Variants in RALGDS observed in about 807,000 individuals in gnomAD.
RALGDS encodes ral guanine nucleotide dissociation stimulator.
RALGDS carries 44 observed loss-of-function variants against 99.8 expected under a neutral mutation model. The ratio of observed to expected loss-of-function variants is 0.44; its 90% CI spans 0.35 to 0.57. The LOEUF (loss-of-function observed/expected upper bound fraction) is 0.57, where lower values mean the gene tolerates loss of function less well. Ranked by LOEUF, RALGDS falls within the 20% of genes least tolerant of loss-of-function variation. RALGDS has a pLI of 0.01. For missense variants in RALGDS, 1,022 were observed against 1,203.1 expected (o/e 0.85, Z 2.23); for synonymous variants, 529 against 505.0 (o/e 1.05, Z -0.64).
chr9:133,132,663 G>C (rs1050741244), upstream of RALGDS, among the ~76,000 whole-genome samples: 2 of 151,390 alleles, frequency 1.3e-5, no homozygotes, highest in Non-Finnish European at 2.9e-5. Flanking sequence ...TGTTTGAGAC[G>C]GAGTCTCGCT....
intron 1 of RALGDS, chr9:133,129,105 C>G: frequency 6.4e-7 from 1 of 1,556,346 alleles, no homozygotes; most frequent in Non-Finnish European, 8.6e-7. Flanking sequence ...CCAGCCCCTC[C>G]CCGGCAGAGG....
intron 1 of RALGDS, among the ~76,000 whole-genome samples, chr9:133,143,356 C>G (rs1055651419): frequency 6.6e-6 from 1 of 152,236 alleles, no homozygotes; most frequent in African/African-American, 2.4e-5. Flanking sequence ...GTGAATCAAT[C>G]GCTGAACCAA....
intron 1 of RALGDS, among the ~76,000 whole-genome samples, chr9:133,138,362 C>T (rs1832459597): frequency 6.6e-6 from 1 of 152,212 alleles, no homozygotes; most frequent in South Asian, 2.1e-4. Context: ...TGGCTTCTCC[C>T]CTGGAAGGCG....
At chr9:133,126,261 T>C (rs777255334) in intron 1 of RALGDS, among the ~76,000 whole-genome samples, 1 of 148,624 alleles carries the variant, frequency 6.7e-6, no homozygotes, top group Non-Finnish European at 1.5e-5. Context: ...CCTTGGGGGC[T>C]ACAACCACAA....
upstream of RALGDS, among the ~76,000 whole-genome samples, chr9:133,132,787 G>A (rs1418042401): frequency 6.6e-6 from 1 of 152,162 alleles, no homozygotes; most frequent in Non-Finnish European, 1.5e-5. Context: ...TAACAGGCAT[G>A]CGGCACCACG....
At chr9:133,101,488 G>T in intron 16 of RALGDS, 32 bp downstream of exon 16, 1 of 1,609,644 alleles carries the variant, frequency 6.2e-7, no homozygotes, top group South Asian at 1.1e-5. Flanking sequence ...CGCCAGTGGA[G>T]GGAGGCACCC....
At chr9:133,104,981 G>GT (rs554908797) in intron 9 of RALGDS, among the ~76,000 whole-genome samples, 2 of 152,190 alleles carry the variant, frequency 1.3e-5, no homozygotes, top group Admixed American at 6.5e-5. Flanking sequence ...GAGATGGGCA[G>GT]TGACTTGCCC....
rs1412163542 is a variant in RALGDS, at chr9:133,102,393, C to A, written c.2009+83G>T. ...AGGGTAGGATTCCAGGGCCAGCCTC[C>A]CTGACTCCCTGAGCCCAGGCTCAGC... On this transcript the variant is annotated intron_variant, in intron 14 of 17. Coordinates refer to ENST00000372050, the MANE Select transcript of RALGDS (RefSeq NM_006266.4). 2.7e-5 allele frequency: 39 copies of A among 1,463,766 alleles called. 1 individual carries two copies. Among genetic ancestry groups the A allele is most frequent in the Admixed American group, 5.1e-5 (3 of 58,704 alleles). The allele number at this position is 1,463,766 out of a possible 1,614,324, so 90.7% of individuals were successfully genotyped here.
rs181429365 is a variant in RALGDS, at chr9:133,115,458, T to C, written c.184-3306A>G. On this transcript the variant is annotated intron_variant, in intron 1 of 17. Transcript: ENST00000372050. Reference sequence around the variant, plus strand: ...GGGGACCTCCCAAGCCCCTCTGAGCTGCTGCTCAGGTCCCAGTCACCAGAG... The same window carrying C: ...GGGGACCTCCCAAGCCCCTCTGAGCCGCTGCTCAGGTCCCAGTCACCAGAG... Among the ~76,000 whole-genome samples, 198 of 152,310 alleles carry C rather than the reference T, an allele frequency of 1.3e-3. 4 individuals carry two copies. The highest frequency in any genetic ancestry group is 0.01 in the Admixed American group (158 of 15,294).
Position 133,110,505 on chromosome 9 carries a change from G to C in RALGDS, c.295-16C>G. Reference sequence around the variant, plus strand: ...CATTCTCATACTGGGGTGGGACAGAGGAGGGACAGACAGTCAGTGGCAGCA... The same window carrying C: ...CATTCTCATACTGGGGTGGGACAGACGAGGGACAGACAGTCAGTGGCAGCA... On this transcript the variant is annotated splice_polypyrimidine_tract_variant and intron_variant, in intron 2 of 17. Transcript: ENST00000372050. The C allele has an allele frequency of 1.3e-6, 2 of 1,598,792 alleles. No individual in the cohort carries two copies. Among genetic ancestry groups the C allele is most frequent in the Middle Eastern group, 1.7e-4 (1 of 6,030 alleles).
intron 1 of RALGDS, among the ~76,000 whole-genome samples, chr9:133,147,519 G>C (rs773083455): frequency 6.6e-6 from 1 of 152,212 alleles, no homozygotes; most frequent in African/African-American, 2.4e-5. Flanking sequence ...TGAAGGGAAA[G>C]AGGAAGCTCT....
At position 133,121,235 on chromosome 9, in the gene RALGDS, A is replaced by G. The variant is rs1831928540; in HGVS notation, c.-81T>C. ...GCGGCCCGCGCGGCTGGGCTTTGCCACCGCTGTGAGCCCGCGGCCCGGCCC... is the reference window on the plus strand; with the variant it reads ...GCGGCCCGCGCGGCTGGGCTTTGCCGCCGCTGTGAGCCCGCGGCCCGGCCC... On this transcript the variant is annotated 5_prime_UTR_variant, in exon 1 of 18. Coordinates refer to ENST00000372050, the MANE Select transcript of RALGDS (RefSeq NM_006266.4). 2 of 975,250 alleles carry G rather than the reference A, an allele frequency of 2.1e-6. No homozygotes were observed. Among genetic ancestry groups the G allele is most frequent in the Middle Eastern group, 5.2e-4 (1 of 1,914 alleles). 60.4% of individuals were successfully genotyped at this position (975,250 alleles called of 1,614,324 possible). A position where few individuals can be genotyped will look rare whatever the true frequency, so the allele number is the denominator to read the frequency against.
At chr9:133,138,809 A>G (rs556633593) in intron 1 of RALGDS, among the ~76,000 whole-genome samples, 1 of 152,124 alleles carries the variant, frequency 6.6e-6, no homozygotes. Flanking sequence ...TAATTTTTGT[A>G]TTTTTAGTAG....
In RALGDS at chr9:133,101,752, G is replaced by A. The variant is rs372479467; in HGVS notation, c.2222C>T (p.Ser741Leu). The A allele has an allele frequency of 5.0e-6, 8 of 1,609,288 alleles. No homozygotes were observed. Among genetic ancestry groups the A allele is most frequent in the Non-Finnish European group, 6.8e-6 (8 of 1,177,778 alleles). ...PDGQEKKFWE[S>L]ASQSSPETSG... ...GGTCTCCGGGGATGACTGTGAGGCT[G>A]ATTCCCAGAACTGAGGGAGACGGTA... Residue 741 changes from serine to leucine, a missense_variant, in exon 16 of 18, where the codon TCA becomes TTA. Physicochemically the swap from Ser to Leu is moderately radical, Grantham distance 145. Around this residue, in one of 3 missense-constraint regions of RALGDS, gnomAD observed 825 missense variants for 994.5 expected, o/e 0.83. Transcript: ENST00000372050.
intron 1 of RALGDS, among the ~76,000 whole-genome samples, chr9:133,141,652 C>A (rs1424093845): frequency 6.6e-6 from 1 of 152,236 alleles, no homozygotes; most frequent in African/African-American, 2.4e-5. Context: ...TGGATGCCGA[C>A]ATGTGAGGAG....
At chr9:133,109,603 C>G in intron 4 of RALGDS, 23 bp downstream of exon 4, 1 of 1,592,586 alleles carries the variant, frequency 6.3e-7, no homozygotes, top group Non-Finnish European at 8.6e-7. Context: ...GGGTCCCTTC[C>G]TCTTGGCTCA....
intron 1 of RALGDS, among the ~76,000 whole-genome samples, chr9:133,147,879 G>T (rs1480234262): frequency 6.6e-6 from 1 of 152,166 alleles, no homozygotes; most frequent in East Asian, 1.9e-4. Flanking sequence ...CTTTCCCTCT[G>T]CTGGTCCTGG....
At position 133,144,078 on chromosome 9, in the gene RALGDS, A is replaced by C. The variant is rs1408879317; in HGVS notation, c.18+4885T>G. ...TCTGGGGCTGGGGTTGGGGGGAAGG[A>C]CCCCTCAAGTCTCTATCTGCACAGA... On this transcript the variant is annotated intron_variant, in intron 1 of 17. Coordinates refer to the RALGDS transcript ENST00000393160. This position sits in a 1 kb window ranked among gnomAD's most constrained non-coding sequence, Gnocchi z 4.5. Among the ~76,000 whole-genome samples the C allele has an allele frequency of 6.6e-6, 1 of 151,878 alleles. No homozygotes were observed.
chr9:133,107,183 T>C lies in RALGDS; in HGVS notation c.1315A>G (p.Ser439Gly). Residue 439 changes from serine (S) to glycine (G), a missense_variant, in exon 7 of 18, where the codon AGT becomes GGT. Coordinates refer to ENST00000372050, the MANE Select transcript of RALGDS (RefSeq NM_006266.4). ...TIRATVTQFN[S>G]VANCVITTCL... Reference sequence around the variant, plus strand: ...GTGGTGATGACACAGTTGGCCACACTGTTGAACTGGGTGACAGTGGCGCGG... The same window carrying C: ...GTGGTGATGACACAGTTGGCCACACCGTTGAACTGGGTGACAGTGGCGCGG... The C allele has an allele frequency of 1.2e-6, 2 of 1,613,754 alleles. No individual in the cohort carries two copies. The highest frequency in any genetic ancestry group is 1.7e-6 in the Non-Finnish European group (2 of 1,180,028).
Sources: allele counts gnomAD v4.1 joint callset (sites outside exome capture counted in the v4.1 genomes callset), GRCh38; gene constraint gnomAD v4.1.1; regional missense constraint gnomAD v4.1.1; non-coding constraint Gnocchi (gnomAD v3.1); transcripts MANE v1.5; gene names NCBI Gene and HGNC (gene_info 2026-07-23, HGNC 2026-07-21).